Variants in STK3 observed in about 807,000 individuals in gnomAD.
STK3 encodes serine/threonine kinase 3.
A neutral mutation model predicts 58.0 loss-of-function variants in STK3; 41 were observed. That is an observed-to-expected ratio of 0.71 (90% CI 0.55 to 0.92). The LOEUF is 0.92. Among genes scored for constraint, STK3 ranks in the 40% least tolerant of loss-of-function variants. The pLI, the probability that STK3 is intolerant of heterozygous loss-of-function variation, is 0.00. For synonymous variants in STK3, 170 were observed against 191.0 expected (o/e 0.89, Z 0.91); for missense variants, 479 against 602.7 (o/e 0.79, Z 2.15).
chr8:98,584,390 T>C (rs961549328), intron 7 of STK3, among the ~76,000 whole-genome samples: 1 of 152,004 alleles, frequency 6.6e-6, no homozygotes, highest in African/African-American at 2.4e-5. Flanking sequence ...AGAATGATGA[T>C]TTCCAATTTC....
At chr8:98,843,643 G>A (rs935283238) in intron 3 of STK3, among the ~76,000 whole-genome samples, 8 of 152,102 alleles carry the variant, frequency 5.3e-5, no homozygotes, top group African/African-American at 1.9e-4. Flanking sequence ...TCAAACTGTC[G>A]GCTTGACCAT....
chr8:98,556,240 T>A (rs925264599), intron 8 of STK3, among the ~76,000 whole-genome samples: 1 of 152,042 alleles, frequency 6.6e-6, no homozygotes. Flanking sequence ...TAACCAAATA[T>A]AGCCCCAGTA....
chr8:98,391,281 A>C (rs1057386264), upstream of STK3: 3 of 152,208 alleles, frequency 2.0e-5, no homozygotes, highest in African/African-American at 7.2e-5. Context: ...TTTCAAATTC[A>C]AAGTCTTTGC....
intron 8 of STK3, 82 bp from the exon 9 acceptor site, chr8:98,548,243 T>A: frequency 1.8e-6 from 2 of 1,130,446 alleles, no homozygotes; most frequent in Non-Finnish European, 2.3e-6. Context: ...ATGAATATAT[T>A]ATAGTTTTAA....
At chr8:98,537,050 T>C (rs1809824714) in intron 9 of STK3, among the ~76,000 whole-genome samples, 1 of 152,222 alleles carries the variant, frequency 6.6e-6, no homozygotes, top group East Asian at 1.9e-4. Flanking sequence ...AAAATAAACA[T>C]TCTTACAGAG....
chr8:98,492,282 T>A (rs190367991), intron 10 of STK3, among the ~76,000 whole-genome samples: 1 of 152,234 alleles, frequency 6.6e-6, no homozygotes, highest in Non-Finnish European at 1.5e-5. Context: ...TAATATGATA[T>A]CTTAAATTAA....
intron 1 of STK3, among the ~76,000 whole-genome samples, chr8:98,935,314 A>G (rs925211408): frequency 2.0e-5 from 3 of 152,234 alleles, no homozygotes; most frequent in African/African-American, 7.2e-5. Flanking sequence ...TGAAGAAGCT[A>G]TCCACCATAT....
chr8:98,544,649 A>AACACACACACAC (rs59159370), intron 9 of STK3, among the ~76,000 whole-genome samples: 5 of 137,600 alleles, frequency 3.6e-5, no homozygotes, highest in East Asian at 4.4e-4. Flanking sequence ...ATTCTACTAT[A>AACACACACACAC]ACACACACAC....
chr8:98,491,015 A>G (rs1042968070), intron 10 of STK3, among the ~76,000 whole-genome samples: 2 of 152,192 alleles, frequency 1.3e-5, no homozygotes, highest in Non-Finnish European at 2.9e-5. Flanking sequence ...TGTTGTCTGT[A>G]TATTTTTCAC....
At position 98,898,890 on chromosome 8, in the gene STK3, G is replaced by A. The variant is rs889568696; in HGVS notation, c.-78-15056C>T. Among the ~76,000 whole-genome samples, 8 of 152,208 alleles carry A rather than the reference G, an allele frequency of 5.3e-5. No homozygotes were observed. The East Asian group carries it at 5.8e-4, about 11-fold the overall frequency. ...AATTCAAACACAGCCTGCCTGGTAC[G>A]TGCTCGGCCACAGCCAGTAACAAAA... is the stretch of plus-strand genomic sequence containing the variant. On this transcript the variant is annotated intron_variant, in intron 1 of 1. Transcript: ENST00000519420.
chr8:98,836,506 A>G (rs1172441427), intron 3 of STK3, among the ~76,000 whole-genome samples: 1 of 152,230 alleles, frequency 6.6e-6, no homozygotes, highest in African/African-American at 2.4e-5. Context: ...GAGGAAAATA[A>G]ACATTCAAAC....
At chr8:98,348,363 T>C in the STK3 span, among the ~76,000 whole-genome samples, 1 of 152,194 alleles carries the variant, frequency 6.6e-6, no homozygotes, top group Non-Finnish European at 1.5e-5. Context: ...GATTTGGCAA[T>C]AACTTTTAGA....
intron 7 of STK3, among the ~76,000 whole-genome samples, chr8:98,590,311 C>G (rs1815178596): frequency 6.6e-6 from 1 of 152,162 alleles, no homozygotes; most frequent in Non-Finnish European, 1.5e-5. Flanking sequence ...TGCCCTGATG[C>G]CGTTCCTTTC....
chr8:98,419,149 C>T (rs754077553), intron 3 of STK3, among the ~76,000 whole-genome samples: 3 of 152,124 alleles, frequency 2.0e-5, no homozygotes, highest in Non-Finnish European at 2.9e-5. Flanking sequence ...TCACTTGAGG[C>T]CAGGAGTTCG....
At chr8:98,581,377 C>T (rs1813868507) in intron 7 of STK3, among the ~76,000 whole-genome samples, 1 of 152,124 alleles carries the variant, frequency 6.6e-6, no homozygotes, top group African/African-American at 2.4e-5. Flanking sequence ...GAGTATAAGT[C>T]TAGGCTCCCA....
At chr8:98,411,580 A>G (rs1417364630) in intron 3 of STK3, among the ~76,000 whole-genome samples, 1 of 152,200 alleles carries the variant, frequency 6.6e-6, no homozygotes, top group African/African-American at 2.4e-5. Flanking sequence ...AGTCTTTCCA[A>G]CAAAAGACTC....
intron 6 of STK3, among the ~76,000 whole-genome samples, chr8:98,701,532 G>A (rs1339528499): frequency 6.6e-6 from 1 of 151,882 alleles, no homozygotes; most frequent in Non-Finnish European, 1.5e-5. Context: ...GCTGAGACAG[G>A]AGAATCGCTT....
At chr8:98,923,329 GA>G (rs1839644745) in intron 1 of STK3, among the ~76,000 whole-genome samples, 1 of 152,182 alleles carries the variant, frequency 6.6e-6, no homozygotes, top group Admixed American at 6.5e-5. Flanking sequence ...GAGCTCCAGT[GA>G]AACAAGAGTA....
chr8:98,469,262 G>A (rs1041650909), intron 10 of STK3, among the ~76,000 whole-genome samples: 6 of 149,274 alleles, frequency 4.0e-5, no homozygotes, highest in African/African-American at 1.5e-4. Context: ...CGGGGGCGGG[G>A]GGGCGGTCTG....
Sources: gnomAD v4.1 joint callset for allele counts (sites outside exome capture counted in the v4.1 genomes callset) on GRCh38, gnomAD v4.1.1 for gene constraint, MANE v1.5 for transcripts, NCBI Gene and HGNC (gene_info 2026-07-23, HGNC 2026-07-21) for gene names.